NOXRED1: variants seen among roughly 807,000 people sequenced by gnomAD.
NOXRED1 encodes NADP dependent oxidoreductase domain containing 1.
Under a neutral mutation model 30.4 loss-of-function variants are expected in NOXRED1, and 20 were observed. The ratio of observed to expected loss-of-function variants is 0.66; its 90% CI spans 0.46 to 0.96. The LOEUF (loss-of-function observed/expected upper bound fraction) is 0.96, where lower values mean the gene tolerates loss of function less well. Ranked by LOEUF, NOXRED1 falls within the 40% of genes least tolerant of loss-of-function variation. The probability of loss-of-function intolerance (pLI) is 0.00; values close to 1 mark genes in which losing one functional copy is unlikely to be tolerated. For synonymous variants in NOXRED1, 155 were observed against 168.0 expected (o/e 0.92, Z 0.60); for missense variants, 374 against 428.0 (o/e 0.87, Z 1.11).
intron 5 of NOXRED1, among the ~76,000 whole-genome samples, chr14:77,402,611 G>A (rs964630081): frequency 1.3e-5 from 2 of 152,012 alleles, no homozygotes; most frequent in Admixed American, 6.6e-5. Context: ...TCTAGCCTGG[G>A]CAACAAGAGC....
chr14:77,422,102 TAAGAAG>T (rs1286436083), intron 1 of NOXRED1, among the ~76,000 whole-genome samples: 2 of 152,154 alleles, frequency 1.3e-5, no homozygotes, highest in African/African-American at 4.8e-5. Context: ...AGAGAAAAAC[TAAGAAG>T]TAGAGTGAGG....
chr14:77,423,451 C>T lies in NOXRED1; in HGVS notation c.-562G>A, dbSNP rs1427937706. ...AACTAAACTCAAAGTCATATAAACC[C>T]ATCTACATATATCTATCACCAAACA... On this transcript the variant is annotated 5_prime_UTR_variant, in exon 1 of 6. The change abolishes an upstream ATG in the 5' untranslated region. Coordinates refer to ENST00000380835, the MANE Select transcript of NOXRED1 (RefSeq NM_001113475.3). The T allele has an allele frequency of 1.3e-5, 2 of 152,478 alleles. No individual in the cohort carries two copies. The highest frequency in any genetic ancestry group is 4.8e-5 in the African/African-American group (2 of 41,424). 9.4% of individuals were successfully genotyped at this position (152,478 alleles called of 1,614,324 possible).
At chr14:77,396,524 C>T (rs1894192070) in intron 5 of NOXRED1, among the ~76,000 whole-genome samples, 1 of 152,154 alleles carries the variant, frequency 6.6e-6, no homozygotes, top group Non-Finnish European at 1.5e-5. Flanking sequence ...GCTGGGATTA[C>T]AGGCATGAGC....
chr14:77,424,585 C>T (rs951665875), upstream of NOXRED1, among the ~76,000 whole-genome samples: 6 of 152,202 alleles, frequency 3.9e-5, no homozygotes, highest in Admixed American at 2.0e-4. Flanking sequence ...AGTAGGTCAT[C>T]CTAATGTTGC....
At chr14:77,421,201 T>A (rs182446040) in intron 1 of NOXRED1, among the ~76,000 whole-genome samples, 20 of 152,350 alleles carry the variant, frequency 1.3e-4, no homozygotes, top group Admixed American at 1.2e-3. Flanking sequence ...TTAGGTGAAC[T>A]GCAATGGCTT....
At chr14:77,412,587 A>C (rs1594877054) in intron 2 of NOXRED1, among the ~76,000 whole-genome samples, 1 of 151,874 alleles carries the variant, frequency 6.6e-6, no homozygotes, top group Non-Finnish European at 1.5e-5. Context: ...ATCTCACCTC[A>C]CTGCAAGCTC....
At chr14:77,414,268 G>A (rs910527102) in intron 1 of NOXRED1, 141 bp from the exon 2 acceptor site, 8 of 499,916 alleles carry the variant, frequency 1.6e-5, no homozygotes, top group African/African-American at 1.4e-4. Context: ...CGCAAGCTCC[G>A]CCTCCCAGGT....
intron 1 of NOXRED1, among the ~76,000 whole-genome samples, chr14:77,414,566 A>T (rs1894762395): frequency 2.6e-5 from 4 of 152,222 alleles, no homozygotes; most frequent in Non-Finnish European, 4.4e-5. Context: ...GAGATAAGAC[A>T]TTTCAACTGT....
chr14:77,412,101 TAAAA>T (rs71128621), intron 2 of NOXRED1, among the ~76,000 whole-genome samples: 8 of 63,734 alleles, frequency 1.3e-4, no homozygotes, highest in South Asian at 5.4e-4. Flanking sequence ...AGACTCAGTC[TAAAA>T]AAAAAAAAAA....
intron 5 of NOXRED1, among the ~76,000 whole-genome samples, chr14:77,396,279 CGCTCTTGTTGCCCAG>C (rs1566704735): frequency 8.4e-6 from 1 of 118,676 alleles, no homozygotes; most frequent in African/African-American, 3.4e-5. Flanking sequence ...AATGGAGTTT[CGCTCTTGTTGCCCAG>C]GCTGCAGTGC....
chr14:77,415,631 T>TAGATAGATAGACAGACAGAC (rs1555363632), intron 1 of NOXRED1, among the ~76,000 whole-genome samples: 3 of 141,314 alleles, frequency 2.1e-5, no homozygotes, highest in Non-Finnish European at 4.6e-5. Flanking sequence ...GATAGATAGA[T>TAGATAGATAGACAGACAGAC]AGACAGACAG....
upstream of NOXRED1, among the ~76,000 whole-genome samples, chr14:77,425,704 T>C (rs1386182981): frequency 6.6e-6 from 1 of 152,210 alleles, no homozygotes; most frequent in East Asian, 1.9e-4. Context: ...GTCCTGTGGA[T>C]TGTAGGGCGT....
chr14:77,403,558 A>C (rs1358776576), intron 5 of NOXRED1, among the ~76,000 whole-genome samples: 1 of 152,124 alleles, frequency 6.6e-6, no homozygotes, highest in Non-Finnish European at 1.5e-5. Context: ...CGGGAGGCTG[A>C]GGTGGGAAGA....
At chr14:77,404,383 C>G (rs1466025990) in intron 5 of NOXRED1, among the ~76,000 whole-genome samples, 1 of 152,120 alleles carries the variant, frequency 6.6e-6, no homozygotes, top group East Asian at 1.9e-4. Context: ...AGGGTTCTGA[C>G]TTGAACAACT....
intron 1 of NOXRED1, among the ~76,000 whole-genome samples, chr14:77,420,462 C>A (rs1056293952): frequency 9.9e-5 from 15 of 151,854 alleles, no homozygotes; most frequent in African/African-American, 3.4e-4. Flanking sequence ...ATCCTCCCAC[C>A]TCAGCATCCC....
intron 5 of NOXRED1, among the ~76,000 whole-genome samples, chr14:77,395,783 C>T (rs1203580822): frequency 6.6e-6 from 1 of 151,876 alleles, no homozygotes; most frequent in African/African-American, 2.4e-5. Context: ...GCCTGGGCTA[C>T]AGAGTGAGAC....
intron 5 of NOXRED1, among the ~76,000 whole-genome samples, chr14:77,402,452 C>T (rs531614418): frequency 2.6e-5 from 4 of 152,048 alleles, no homozygotes; most frequent in Non-Finnish European, 5.9e-5. Flanking sequence ...ATGGAGAAAC[C>T]TCATCTCTAT....
chr14:77,405,997 C>T lies in NOXRED1; in HGVS notation c.821G>A (p.Cys274Tyr), dbSNP rs1312306032. The T allele has an allele frequency of 1.2e-6, 2 of 1,613,682 alleles. No homozygotes were observed. Among genetic ancestry groups the T allele is most frequent in the South Asian group, 1.1e-5 (1 of 91,078 alleles). The stretch of plus-strand genomic sequence containing the variant: ...TGGGCAAGATGCTGTGTCTTTCCCA[C>T]AGTCTTCAAAGTGCACGGAGAGAAA... Reference protein sequence around the residue: ...ELFLSVHFEDCGKDTASCPKL... With the variant: ...ELFLSVHFEDYGKDTASCPKL... The change falls in exon 5 of 6, where the codon TGT (cysteine) becomes TAT (tyrosine). Residue 274 changes from cysteine to tyrosine, a missense_variant. Physicochemically the swap from Cys to Tyr is radical, Grantham distance 194 (BLOSUM62 -2). Transcript: ENST00000380835.
chr14:77,406,929 A>T, intron 3 of NOXRED1, 54 bp from the exon 4 acceptor site: 2 of 1,516,118 alleles, frequency 1.3e-6, no homozygotes, highest in Non-Finnish European at 1.8e-6. Flanking sequence ...ATAAATGACG[A>T]CATAACCCAC....
Sources: gnomAD v4.1 joint callset for allele counts (sites outside exome capture counted in the v4.1 genomes callset) on GRCh38, gnomAD v4.1.1 for gene constraint, MANE v1.5 for transcripts, NCBI Gene and HGNC (gene_info 2026-07-23, HGNC 2026-07-21) for gene names.